Variants in MYT1L observed in about 807,000 individuals in gnomAD.
MYT1L encodes myelin transcription factor 1 like.
In MYT1L, 12 loss-of-function variants were observed where a neutral mutation model predicts 126.7. The ratio of observed to expected loss-of-function variants is 0.09; its 90% CI spans 0.06 to 0.15. MYT1L has a LOEUF of 0.15. MYT1L is among the 10% of genes least tolerant of loss of function. The pLI is 1.00. For missense variants in MYT1L, 979 were observed against 1,585.2 expected, an observed-to-expected ratio of 0.62 and a Z score of 6.49; for synonymous variants, 541 against 604.2, an observed-to-expected ratio of 0.90 and a Z score of 1.53.
chr2:1,830,803 T>G (rs1000654532), intron 21 of MYT1L, among the ~76,000 whole-genome samples: 16 of 130,288 alleles, frequency 1.2e-4, no homozygotes, highest in Admixed American at 2.8e-4. Context: ...GAGTGTGCCT[T>G]CTCGCTCTGT....
rs567756159 is a variant in MYT1L, at chr2:1,850,359, A to G, written c.2774+1282T>C. On this transcript the variant is annotated intron_variant, in intron 19 of 24. Coordinates refer to ENST00000647738, the MANE Select transcript of MYT1L (RefSeq NM_001303052.2). ...ATAAGCTAAAATTTAGAGAGCTGAA[A>G]GGGAGCAGCTACCTTACAACTTCGT... Among the ~76,000 whole-genome samples the G allele has an allele frequency of 2.5e-4, 38 of 152,192 alleles. No individual in the cohort carries two copies. The South Asian group carries it at 7.7e-3, about 31-fold the overall frequency.
At chr2:2,326,399 G>C (rs138527409) in intron 1 of MYT1L, 6 of 152,296 alleles carry the variant, frequency 3.9e-5, no homozygotes, top group Non-Finnish European at 8.8e-5. Flanking sequence ...CTGATGTGTT[G>C]GGACCAGACT....
chr2:2,204,409 T>C (rs1176982272), intron 2 of MYT1L, among the ~76,000 whole-genome samples: 3 of 149,846 alleles, frequency 2.0e-5, no homozygotes, highest in Non-Finnish European at 4.4e-5. Context: ...TCAAACAAAT[T>C]TACAAGAAAA....
chr2:1,883,117 A>C (rs779794862), intron 18 of MYT1L, among the ~76,000 whole-genome samples: 5 of 152,214 alleles, frequency 3.3e-5, no homozygotes, highest in Non-Finnish European at 5.9e-5. Flanking sequence ...AAGTGTCCCA[A>C]GGTTCTTTTT....
Position 2,295,601 on chromosome 2 carries a change from G to GAGAGAGAGAGAGAC in MYT1L, c.-520-11099_-520-11098insGTCTCTCTCTCTCT, listed in dbSNP as rs1559583853. Among the ~76,000 whole-genome samples, 19 of 6,218 alleles carry GAGAGAGAGAGAGAC rather than the reference G, an allele frequency of 3.1e-3. 2 individuals are homozygous for GAGAGAGAGAGAGAC. The highest frequency in any genetic ancestry group is 8.6e-3 in the African/African-American group (16 of 1,856). 4.1% of individuals were successfully genotyped at this position (6,218 alleles called of 152,430 possible). A position where few individuals can be genotyped will look rare whatever the true frequency, so the allele number is the denominator to read the frequency against. On this transcript the variant is annotated intron_variant, in intron 1 of 24. Coordinates refer to ENST00000647738, the MANE Select transcript of MYT1L (RefSeq NM_001303052.2). ...AGAGAGAGACAGACAGACAGAGAGA[G>GAGAGAGAGAGAGAC]AGACAGACAGAGAGAGAGAGAGAGA...
In MYT1L at chr2:2,160,082, G is replaced by A. The variant is rs1431019807; in HGVS notation, c.-304+12790C>T. On this transcript the variant is annotated intron_variant, in intron 3 of 24. Transcript: ENST00000647738. ...AGGATGATCATAGTATCAACCTCATGGGGTGTGGAGAAGTTTAACGAGGTA... is the reference window on the plus strand; with the variant it reads ...AGGATGATCATAGTATCAACCTCATAGGGTGTGGAGAAGTTTAACGAGGTA... 2.5e-4 allele frequency among the ~76,000 whole-genome samples: 38 copies of A among 152,082 alleles called. 1 individual carries two copies. Among genetic ancestry groups the A allele is most frequent in the Non-Finnish European group, 1.0e-4 (7 of 68,024 alleles).
At chr2:1,799,586 C>G (rs911271048) in intron 23 of MYT1L, among the ~76,000 whole-genome samples, 3 of 152,202 alleles carry the variant, frequency 2.0e-5, no homozygotes, top group Non-Finnish European at 4.4e-5. Context: ...TTGGGTTGCC[C>G]CAGTAGACCA....
At position 1,801,697 on chromosome 2, in the gene MYT1L, T is replaced by C; in HGVS notation, c.3275A>G (p.Gln1092Arg). The C allele has an allele frequency of 6.2e-7, 1 of 1,600,674 alleles. No homozygotes were observed. Among genetic ancestry groups the C allele is most frequent in the Non-Finnish European group, 8.5e-7 (1 of 1,171,548 alleles). The change falls in exon 23 of 25, where the codon CAG (glutamine) becomes CGG (arginine). Residue 1092 changes from glutamine to arginine, a missense_variant and splice_region_variant. Transcript: ENST00000647738. This position sits in a 1 kb window ranked among gnomAD's most constrained non-coding sequence, Gnocchi z 4.2. ...ATTGAGGGCTTCAAAAACTGTTACC[T>C]GAGTTCTGAGTTTAATCATATCGGC... ...MEADMIKLRT[Q>R]ITTMESNLKT...
At chr2:2,286,304 A>T (rs1423021984) in intron 1 of MYT1L, among the ~76,000 whole-genome samples, 1 of 152,156 alleles carries the variant, frequency 6.6e-6, no homozygotes, top group Non-Finnish European at 1.5e-5. Flanking sequence ...TTCTAAAAGG[A>T]AGCATTGAGC....
chr2:2,297,388 G>A (rs990322823), intron 1 of MYT1L, among the ~76,000 whole-genome samples: 1 of 152,234 alleles, frequency 6.6e-6, no homozygotes, highest in Non-Finnish European at 1.5e-5. Flanking sequence ...GCACAGGGGC[G>A]TAAGCCAGGC....
chr2:2,054,293 G>A (rs1031019767), intron 3 of MYT1L, among the ~76,000 whole-genome samples, 170 bp from the exon 4 acceptor site: 4 of 152,126 alleles, frequency 2.6e-5, no homozygotes, highest in African/African-American at 9.7e-5. Context: ...GAGATGAGAT[G>A]CATGGGGATG....
intron 1 of MYT1L, among the ~76,000 whole-genome samples, chr2:2,306,936 T>C (rs1287325913): frequency 3.3e-5 from 5 of 152,176 alleles, no homozygotes; most frequent in African/African-American, 1.2e-4. Context: ...CTTGCTAAAG[T>C]TCAAAAGAAA....
chr2:1,850,628 C>T (rs533013468), intron 19 of MYT1L, among the ~76,000 whole-genome samples: 6 of 152,254 alleles, frequency 3.9e-5, no homozygotes, highest in Middle Eastern at 6.8e-3. Flanking sequence ...CCGACCTTGG[C>T]TTCCCTCTCT....
intron 23 of MYT1L, among the ~76,000 whole-genome samples, chr2:1,796,102 A>T (rs2033436099): frequency 6.6e-6 from 1 of 152,254 alleles, no homozygotes; most frequent in South Asian, 2.1e-4. Context: ...TTCCGACTGC[A>T]GCACCACGTG....
intron 5 of MYT1L, among the ~76,000 whole-genome samples, chr2:1,996,605 C>T (rs1447006881): frequency 7.7e-6 from 1 of 130,516 alleles, no homozygotes; most frequent in South Asian, 2.6e-4. Flanking sequence ...GCCGCCCTGC[C>T]TCAGTGTGGG....
intron 4 of MYT1L, among the ~76,000 whole-genome samples, chr2:2,004,206 A>AGGCGTTCTTTCCTGC (rs2062798926): frequency 1.4e-4 from 4 of 28,020 alleles, no homozygotes; most frequent in Admixed American, 3.8e-4. Flanking sequence ...TTCTTTCCTG[A>AGGCGTTCTTTCCTGC]ATGTGTTCTT....
At chr2:2,269,351 C>G (rs1471991758) in intron 2 of MYT1L, among the ~76,000 whole-genome samples, 1 of 152,214 alleles carries the variant, frequency 6.6e-6, no homozygotes, top group Non-Finnish European at 1.5e-5. Flanking sequence ...TGGCCCTGCT[C>G]AACTGCAGCC....
chr2:2,174,602 T>C (rs1222142839), intron 2 of MYT1L, among the ~76,000 whole-genome samples: 1 of 150,654 alleles, frequency 6.6e-6, no homozygotes, highest in Non-Finnish European at 1.5e-5. Flanking sequence ...AGGATGAATG[T>C]GCGCTTAGTG....
intron 2 of MYT1L, among the ~76,000 whole-genome samples, chr2:2,248,841 C>G (rs1316229848): frequency 6.6e-6 from 1 of 151,998 alleles, no homozygotes; most frequent in African/African-American, 2.4e-5. Flanking sequence ...GATAAAATCC[C>G]TCAAAAAACT....
Sources: allele counts gnomAD v4.1 joint callset (sites outside exome capture counted in the v4.1 genomes callset), GRCh38; gene constraint gnomAD v4.1.1; non-coding constraint Gnocchi (gnomAD v3.1); transcripts MANE v1.5; gene names NCBI Gene and HGNC (gene_info 2026-07-23, HGNC 2026-07-21).